Variants in CALD1 observed in about 807,000 individuals in gnomAD.
The protein encoded by CALD1 is caldesmon 1, also known as caldesmon.
CALD1 carries 33 observed loss-of-function variants against 99.9 expected under a neutral mutation model. The ratio of observed to expected loss-of-function variants is 0.33; its 90% CI spans 0.25 to 0.44. The LOEUF is 0.44. CALD1 is among the 20% of genes least tolerant of loss of function. CALD1 has a pLI of 1.00. For synonymous variants in CALD1, 310 were observed against 325.0 expected (o/e 0.95, Z 0.50); for missense variants, 861 against 962.1 (o/e 0.89, Z 1.39).
chr7:134,926,564 T>C lies in CALD1; in HGVS notation c.72-2190T>C, dbSNP rs946401533. ...ACCTTCGGAATCATTAATCCTGTTTTTTATGAGATACCTCAGTGAAAAAAC... is the reference window on the plus strand; with the variant it reads ...ACCTTCGGAATCATTAATCCTGTTTCTTATGAGATACCTCAGTGAAAAAAC... On this transcript the variant is annotated intron_variant, in intron 3 of 14. Coordinates refer to ENST00000361675, the MANE Select transcript of CALD1 (RefSeq NM_033138.4). Among the ~76,000 whole-genome samples the C allele has an allele frequency of 2.0e-5, 3 of 152,210 alleles. No homozygotes were observed. The East Asian group carries it at 5.8e-4, about 29-fold the overall frequency.
At chr7:134,815,161 C>T (rs1240043427) in intron 1 of CALD1, among the ~76,000 whole-genome samples, 1 of 152,066 alleles carries the variant, frequency 6.6e-6, no homozygotes, top group Non-Finnish European at 1.5e-5. Context: ...CAAGTGATGC[C>T]AAGGATTGCT....
intron 9 of CALD1, 59 bp from the exon 10 acceptor site, chr7:134,958,010 G>C (rs987765270): frequency 4.6e-6 from 6 of 1,305,920 alleles, no homozygotes; most frequent in Non-Finnish European, 6.7e-6. Flanking sequence ...CCTGGGCTGA[G>C]AAACACTGTT....
intron 9 of CALD1, among the ~76,000 whole-genome samples, chr7:134,953,702 C>T (rs1333622467): frequency 7.0e-6 from 1 of 143,194 alleles, no homozygotes; most frequent in Non-Finnish European, 1.5e-5. Context: ...ACAACCTACC[C>T]TACCCTCCTC....
intron 3 of CALD1, among the ~76,000 whole-genome samples, chr7:134,884,723 C>A (rs1801772329): frequency 6.6e-6 from 1 of 151,752 alleles, no homozygotes; most frequent in African/African-American, 2.4e-5. Flanking sequence ...CGTTGTCCCT[C>A]TTCACTCCAG....
chr7:134,959,529 C>T (rs1808087254), intron 11 of CALD1, among the ~76,000 whole-genome samples: 1 of 151,936 alleles, frequency 6.6e-6, no homozygotes, highest in Admixed American at 6.6e-5. Context: ...TTTTTCTCTA[C>T]AAAATAGAGA....
At chr7:134,878,555 C>T (rs1455778358) in intron 3 of CALD1, among the ~76,000 whole-genome samples, 2 of 151,944 alleles carry the variant, frequency 1.3e-5, no homozygotes, top group Admixed American at 6.6e-5. Flanking sequence ...GGTGATAGAG[C>T]GAGACCCTGC....
At position 134,968,364 on chromosome 7, in the gene CALD1, C is replaced by A; in HGVS notation, c.*19C>A. Reference sequence around the variant, plus strand: ...GGTTTGAGACAGTTCCAGAAAGAACCCAAGCTCAAGACGCAGGACGAGCTC... The same window carrying A: ...GGTTTGAGACAGTTCCAGAAAGAACACAAGCTCAAGACGCAGGACGAGCTC... On this transcript the variant is annotated 3_prime_UTR_variant, in exon 15 of 15. Coordinates refer to ENST00000361675, the MANE Select transcript of CALD1 (RefSeq NM_033138.4). The A allele has an allele frequency of 1.2e-6, 2 of 1,612,688 alleles. No homozygotes were observed. Among genetic ancestry groups the A allele is most frequent in the Non-Finnish European group, 8.5e-7 (1 of 1,178,804 alleles).
chr7:134,937,328 T>C (rs796133539), intron 6 of CALD1, among the ~76,000 whole-genome samples: 2 of 152,260 alleles, frequency 1.3e-5, no homozygotes, highest in African/African-American at 4.8e-5. Flanking sequence ...AATCAGATAC[T>C]CCCAGGAATG....
intron 1 of CALD1, among the ~76,000 whole-genome samples, chr7:134,760,906 T>C (rs897524965): frequency 1.3e-5 from 2 of 152,208 alleles, no homozygotes; most frequent in Non-Finnish European, 2.9e-5. Context: ...ATTATGTAGG[T>C]ACCCTGTCTT....
chr7:134,735,327 G>A, the CALD1 span, among the ~76,000 whole-genome samples: 4 of 152,298 alleles, frequency 2.6e-5, no homozygotes, highest in East Asian at 7.7e-4. Context: ...TCTGTTTGGA[G>A]TGGTCTTGAT....
At chr7:134,790,721 A>G (rs1197209871) in intron 1 of CALD1, among the ~76,000 whole-genome samples, 4 of 152,318 alleles carry the variant, frequency 2.6e-5, no homozygotes, top group South Asian at 2.1e-4. Context: ...AAGCCAGAGA[A>G]GTAGTTTTGT....
chr7:134,740,334 A>T (rs990759962), upstream of CALD1, among the ~76,000 whole-genome samples: 1 of 152,248 alleles, frequency 6.6e-6, no homozygotes, highest in South Asian at 2.1e-4. Flanking sequence ...GACAGAATCA[A>T]GATTTAGAAT....
intron 4 of CALD1, among the ~76,000 whole-genome samples, chr7:134,930,588 C>T (rs1191635427): frequency 2.0e-5 from 3 of 152,110 alleles, no homozygotes; most frequent in African/African-American, 7.2e-5. Context: ...TTTACCCTTT[C>T]CCTCAATAAG....
At chr7:134,929,196 G>A (rs1428107636) in intron 4 of CALD1, among the ~76,000 whole-genome samples, 2 of 151,826 alleles carry the variant, frequency 1.3e-5, no homozygotes, top group African/African-American at 4.8e-5. Flanking sequence ...TAATAAGTAT[G>A]GTGTGCTATA....
chr7:134,734,202 AAC>A, the CALD1 span, among the ~76,000 whole-genome samples: 56 of 152,198 alleles, frequency 3.7e-4, no homozygotes, highest in Non-Finnish European at 7.1e-4. Flanking sequence ...ATCAAATTAA[AAC>A]AATGTTTCCT....
At chr7:134,722,699 T>C in the CALD1 span, among the ~76,000 whole-genome samples, 1 of 152,130 alleles carries the variant, frequency 6.6e-6, no homozygotes. Flanking sequence ...AGATTACAGG[T>C]GTGAACCACC....
chr7:134,738,109 G>T, the CALD1 span, among the ~76,000 whole-genome samples: 14 of 152,204 alleles, frequency 9.2e-5, no homozygotes, highest in South Asian at 2.1e-4. Flanking sequence ...GCTTTATGAG[G>T]AAGTCTCATT....
At chr7:134,887,576 T>C (rs1255012869) in intron 3 of CALD1, among the ~76,000 whole-genome samples, 1 of 152,162 alleles carries the variant, frequency 6.6e-6, no homozygotes, top group Non-Finnish European at 1.5e-5. Flanking sequence ...GCTCTGTGCA[T>C]GTTATGTGTG....
chr7:134,881,078 A>T (rs1211980385), intron 3 of CALD1, among the ~76,000 whole-genome samples: 2 of 152,210 alleles, frequency 1.3e-5, no homozygotes, highest in Admixed American at 1.3e-4. Flanking sequence ...TCAGTTTTCC[A>T]TGAGAACTCT....
Sources: allele counts gnomAD v4.1 joint callset (sites outside exome capture counted in the v4.1 genomes callset), GRCh38; gene constraint gnomAD v4.1.1; transcripts MANE v1.5; gene names NCBI Gene and HGNC (gene_info 2026-07-23, HGNC 2026-07-21).